TSPAN15: variants seen among roughly 807,000 people sequenced by gnomAD.
TSPAN15 encodes tetraspanin-15.
A neutral mutation model predicts 34.5 loss-of-function variants in TSPAN15; 20 were observed. The observed-to-expected ratio is 0.58, with a 90% CI of 0.41 to 0.84. The LOEUF (loss-of-function observed/expected upper bound fraction) is 0.84. Among genes scored for constraint, TSPAN15 ranks in the 40% least tolerant of loss-of-function variants. TSPAN15 has a pLI of 0.00. For synonymous variants in TSPAN15, 155 were observed against 153.9 expected, an observed-to-expected ratio of 1.01 and a Z score of -0.05; for missense variants, 313 against 386.1, an observed-to-expected ratio of 0.81 and a Z score of 1.59.
the TSPAN15 span, among the ~76,000 whole-genome samples, chr10:69,537,011 T>A: frequency 0.023 from 3,388 of 148,552 alleles, 56 homozygotes; most frequent in Non-Finnish European, 0.035. Flanking sequence ...AGCACAGCAG[T>A]CCTATTCCAT....
chr10:69,491,824 G>A (rs1040133153), intron 3 of TSPAN15, among the ~76,000 whole-genome samples: 2 of 152,170 alleles, frequency 1.3e-5, no homozygotes, highest in African/African-American at 4.8e-5. Flanking sequence ...GCAGGCAGCT[G>A]GCCTGGTAGG....
chr10:69,548,913 A>G, the TSPAN15 span, among the ~76,000 whole-genome samples: 1 of 151,486 alleles, frequency 6.6e-6, no homozygotes, highest in African/African-American at 2.4e-5. Context: ...GAAGGGTCAT[A>G]TTTCAATGGT....
At chr10:69,481,652 T>G (rs1453976781) in intron 1 of TSPAN15, among the ~76,000 whole-genome samples, 1 of 152,208 alleles carries the variant, frequency 6.6e-6, no homozygotes, top group Non-Finnish European at 1.5e-5. Context: ...GGCGGCCTCC[T>G]CGGTGTTTTG....
At chr10:69,517,595 C>A in the TSPAN15 span, among the ~76,000 whole-genome samples, 18 of 152,262 alleles carry the variant, frequency 1.2e-4, no homozygotes, top group African/African-American at 4.3e-4. Flanking sequence ...GCAGTGAGAG[C>A]AGGACACAGG....
At chr10:69,497,304 T>C (rs1842106959) in intron 4 of TSPAN15, among the ~76,000 whole-genome samples, 1 of 152,178 alleles carries the variant, frequency 6.6e-6, no homozygotes, top group Non-Finnish European at 1.5e-5. Flanking sequence ...CAGTCCCAGC[T>C]CCCTGCTTCA....
intron 1 of TSPAN15, among the ~76,000 whole-genome samples, chr10:69,478,416 C>A (rs1420288586): frequency 6.6e-6 from 1 of 152,194 alleles, no homozygotes; most frequent in African/African-American, 2.4e-5. Flanking sequence ...CCCTGGACCT[C>A]AAATACTCCA....
chr10:69,465,041 A>G (rs902647161), intron 1 of TSPAN15, among the ~76,000 whole-genome samples: 3 of 152,208 alleles, frequency 2.0e-5, no homozygotes, highest in Non-Finnish European at 2.9e-5. Flanking sequence ...GGTCACAGGG[A>G]CAGATGAACC....
chr10:69,458,788 A>G (rs548686633), intron 1 of TSPAN15, among the ~76,000 whole-genome samples: 1 of 152,346 alleles, frequency 6.6e-6, no homozygotes, highest in South Asian at 2.1e-4. Context: ...TAAGGCCCTG[A>G]GAAGTGTCCT....
At chr10:69,467,074 C>T (rs1310857141) in intron 1 of TSPAN15, among the ~76,000 whole-genome samples, 1 of 152,150 alleles carries the variant, frequency 6.6e-6, no homozygotes, top group Non-Finnish European at 1.5e-5. Context: ...GTCATGTTGG[C>T]TTGTCGCATG....
chr10:69,492,317 G>A (rs964438808), intron 3 of TSPAN15, among the ~76,000 whole-genome samples: 12 of 152,168 alleles, frequency 7.9e-5, no homozygotes, highest in Admixed American at 2.0e-4. Flanking sequence ...AAACTGCACA[G>A]CCAGCTTGCC....
intron 1 of TSPAN15, among the ~76,000 whole-genome samples, chr10:69,474,646 CA>C (rs1416577804): frequency 6.6e-6 from 1 of 152,000 alleles, no homozygotes; most frequent in Non-Finnish European, 1.5e-5. Context: ...GGGTGACCAG[CA>C]GTACTTTGAC....
the TSPAN15 span, among the ~76,000 whole-genome samples, chr10:69,515,384 G>C: frequency 6.6e-6 from 1 of 152,038 alleles, no homozygotes; most frequent in African/African-American, 2.4e-5. Context: ...TTCATTCGTA[G>C]CTCACACGGT....
chr10:69,535,191 G>A, the TSPAN15 span, among the ~76,000 whole-genome samples: 1 of 152,068 alleles, frequency 6.6e-6, no homozygotes, highest in Admixed American at 6.6e-5. Context: ...CCTTTCCTAT[G>A]AAAAATAAAC....
intron 3 of TSPAN15, among the ~76,000 whole-genome samples, chr10:69,490,066 C>A (rs1291842819): frequency 6.6e-6 from 1 of 152,150 alleles, no homozygotes; most frequent in Non-Finnish European, 1.5e-5. Flanking sequence ...CCCAGGCCTC[C>A]TCTCTCTACC....
chr10:69,465,253 C>T lies in TSPAN15; in HGVS notation c.96+13563C>T, dbSNP rs538065684. Among the ~76,000 whole-genome samples, 5 of 152,292 alleles carry T rather than the reference C, an allele frequency of 3.3e-5. No individual in the cohort carries two copies. The South Asian group carries it at 1.0e-3, about 32-fold the overall frequency. Reference sequence around the variant, plus strand: ...TGGCAGTGGCCACTTGGCTTTCCAACCACTAGGTGGGTAGACTCATGTTCA... The same window carrying T: ...TGGCAGTGGCCACTTGGCTTTCCAATCACTAGGTGGGTAGACTCATGTTCA... On this transcript the variant is annotated intron_variant, in intron 1 of 7. Coordinates refer to ENST00000373290, the MANE Select transcript of TSPAN15 (RefSeq NM_012339.5).
At chr10:69,522,618 T>G in the TSPAN15 span, among the ~76,000 whole-genome samples, 29 of 147,104 alleles carry the variant, frequency 2.0e-4, 2 homozygotes, top group Non-Finnish European at 3.7e-4. Context: ...ACCTGAGCTC[T>G]GCCTCCTGTC....
chr10:69,477,278 G>A (rs1344103993), intron 1 of TSPAN15, among the ~76,000 whole-genome samples: 2 of 152,118 alleles, frequency 1.3e-5, no homozygotes, highest in African/African-American at 4.8e-5. Context: ...GGGACTACAG[G>A]TGCACGCCAC....
At chr10:69,513,396 A>T in the TSPAN15 span, among the ~76,000 whole-genome samples, 2 of 151,908 alleles carry the variant, frequency 1.3e-5, no homozygotes, top group African/African-American at 4.8e-5. Flanking sequence ...TCATGTAGAG[A>T]TTGGGTCTCA....
chr10:69,475,060 G>T (rs1841587678), intron 1 of TSPAN15, among the ~76,000 whole-genome samples: 1 of 152,116 alleles, frequency 6.6e-6, no homozygotes, highest in Non-Finnish European at 1.5e-5. Flanking sequence ...TGGCTCTCTT[G>T]GTTCAGACAC....
Sources: allele counts gnomAD v4.1 joint callset (sites outside exome capture counted in the v4.1 genomes callset), GRCh38; gene constraint gnomAD v4.1.1; transcripts MANE v1.5; gene names NCBI Gene and HGNC (gene_info 2026-07-23, HGNC 2026-07-21).